ITPR2: variants seen among roughly 807,000 people sequenced by gnomAD.
The protein encoded by ITPR2 is inositol 1,4,5-trisphosphate-gated calcium channel ITPR2.
A neutral mutation model predicts 317.1 loss-of-function variants in ITPR2; 207 were observed. The ratio of observed to expected loss-of-function variants is 0.65; its 90% CI spans 0.58 to 0.73. The LOEUF (loss-of-function observed/expected upper bound fraction) is 0.73, where lower values mean the gene tolerates loss of function less well. Among genes scored for constraint, ITPR2 ranks in the 30% least tolerant of loss-of-function variants. ITPR2 has a pLI of 0.00. For synonymous variants in ITPR2, 1,156 were observed against 1,149.1 expected (o/e 1.01, Z -0.12); for missense variants, 2,613 against 3,284.0 (o/e 0.80, Z 4.99).
intron 37 of ITPR2, among the ~76,000 whole-genome samples, chr12:26,534,846 T>C (rs1233640510): frequency 1.3e-5 from 2 of 152,222 alleles, no homozygotes; most frequent in African/African-American, 4.8e-5. Context: ...TTTTGCATCA[T>C]TAGCTTCACA....
Position 26,486,291 on chromosome 12 carries a change from G to A in ITPR2, c.5624C>T (p.Ser1875Phe). 6.2e-7 allele frequency: 1 copy of A among 1,613,586 alleles called. No individual in the cohort carries two copies. Among genetic ancestry groups the A allele is most frequent in the African/African-American group, 1.3e-5 (1 of 74,970 alleles). Residue 1875 changes from serine (S) to phenylalanine (F), a missense_variant, in exon 41 of 57, where the codon TCC becomes TTC. Physicochemically the swap from Ser to Phe is radical, Grantham distance 155. Around this residue, in one of 9 missense-constraint regions of ITPR2, gnomAD observed 926 missense variants for 1,072.8 expected, o/e 0.86. Transcript: ENST00000381340. ...TCTTCTGTATACACAATATGCTTTG[G>A]ATGTTGCTGAAGAAGCTTCTGTTAA... ...GQLTEASSAT[S>F]KAYCVYRREM...
chr12:26,780,685 T>C (rs1490274427), intron 2 of ITPR2, among the ~76,000 whole-genome samples: 1 of 152,162 alleles, frequency 6.6e-6, no homozygotes, highest in Non-Finnish European at 1.5e-5. Context: ...ATCCAATATA[T>C]GGCACTGTTC....
Position 26,595,480 on chromosome 12 carries a change from CA to C in ITPR2, c.4364del (p.Leu1455TrpfsTer29). 6.2e-7 allele frequency: 1 copy of C among 1,605,916 alleles called. No individual in the cohort carries two copies. The highest frequency in any genetic ancestry group is 8.5e-7 in the Non-Finnish European group (1 of 1,177,792). The part of the protein sequence containing the change: ...NHIWKLFENF[L>X]VDMARVCNTT... ...TCTAACTTACCCTTGCCATATCCAC[CA>C]AGAAGTTCTCAAATAATTTCCAAAT... On this transcript the variant is annotated frameshift_variant, in exon 32 of 57. Transcript: ENST00000381340. LOFTEE classifies it high-confidence loss of function.
intron 37 of ITPR2, among the ~76,000 whole-genome samples, chr12:26,534,720 G>A (rs920004415): frequency 5.9e-5 from 9 of 152,160 alleles, no homozygotes; most frequent in African/African-American, 2.2e-4. Flanking sequence ...CAGTTTAAAT[G>A]TTGAACACTT....
chr12:26,650,183 G>A (rs529535246), intron 21 of ITPR2, among the ~76,000 whole-genome samples: 6 of 152,258 alleles, frequency 3.9e-5, no homozygotes, highest in African/African-American at 1.4e-4. Context: ...ACAGGACGGT[G>A]GAGAGAGCAA....
At chr12:26,819,297 G>A (rs2137288336) in intron 1 of ITPR2, among the ~76,000 whole-genome samples, 1 of 152,246 alleles carries the variant, frequency 6.6e-6, no homozygotes, top group East Asian at 1.9e-4. Context: ...TGAAGAAATT[G>A]GCTGGATATT....
intron 37 of ITPR2, among the ~76,000 whole-genome samples, chr12:26,542,707 G>C (rs1321514841): frequency 6.6e-6 from 1 of 152,208 alleles, no homozygotes; most frequent in Non-Finnish European, 1.5e-5. Flanking sequence ...TCCAAGGATA[G>C]ATGGTATTTT....
intron 37 of ITPR2, among the ~76,000 whole-genome samples, chr12:26,510,840 G>A (rs182862955): frequency 7.0e-4 from 107 of 152,256 alleles, no homozygotes; most frequent in African/African-American, 2.5e-3. Flanking sequence ...TTGCTCTTCC[G>A]AAATATTTTT....
Position 26,376,033 on chromosome 12 carries a change from C to T in ITPR2, c.7857+11401G>A, listed in dbSNP as rs73301052. On this transcript the variant is annotated intron_variant, in intron 55 of 56. Transcript: ENST00000381340. ...GAGGATCACCTGAGCCTTGGGAGGC[C>T]GATGCTGCAGTGAGCCAGGATCATG... 5.4e-3 allele frequency among the ~76,000 whole-genome samples: 814 copies of T among 152,144 alleles called. 4 individuals are homozygous for T. The highest frequency in any genetic ancestry group is 0.018 in the African/African-American group (756 of 41,508).
chr12:26,557,164 T>C (rs1363754140), intron 35 of ITPR2, among the ~76,000 whole-genome samples: 3 of 152,194 alleles, frequency 2.0e-5, no homozygotes, highest in South Asian at 4.1e-4. Context: ...TGAAATATTA[T>C]TTGAAGCAAT....
chr12:26,357,978 T>C (rs1565486721), intron 55 of ITPR2, among the ~76,000 whole-genome samples: 1 of 152,224 alleles, frequency 6.6e-6, no homozygotes, highest in East Asian at 1.9e-4. Flanking sequence ...TTGGTTGAAC[T>C]ATTACAAAGA....
intron 34 of ITPR2, among the ~76,000 whole-genome samples, chr12:26,570,665 T>C (rs941896272): frequency 1.3e-5 from 2 of 152,224 alleles, no homozygotes; most frequent in Non-Finnish European, 2.9e-5. Context: ...CCAGCATTAA[T>C]TCCCCCAAAT....
intron 2 of ITPR2, among the ~76,000 whole-genome samples, chr12:26,751,925 C>T (rs967013102): frequency 9.2e-5 from 14 of 151,526 alleles, no homozygotes; most frequent in African/African-American, 3.1e-4. Context: ...CACATCATTT[C>T]GAACCCAGAC....
intron 15 of ITPR2, among the ~76,000 whole-genome samples, chr12:26,659,603 C>T (rs759353475): frequency 6.6e-6 from 1 of 152,042 alleles, no homozygotes; most frequent in African/African-American, 2.4e-5. Context: ...GACACAATAA[C>T]TTTGGATTTC....
intron 56 of ITPR2, among the ~76,000 whole-genome samples, 196 bp from the exon 57 acceptor site, chr12:26,339,679 T>G (rs1468614621): frequency 3.9e-5 from 6 of 152,160 alleles, no homozygotes; most frequent in Non-Finnish European, 8.8e-5. Context: ...CTCTGTGTGG[T>G]TAGGAAGCAG....
chr12:26,484,471 G>A (rs1419408958), intron 41 of ITPR2, among the ~76,000 whole-genome samples: 1 of 152,012 alleles, frequency 6.6e-6, no homozygotes, highest in Non-Finnish European at 1.5e-5. Flanking sequence ...CTAGATATAT[G>A]TACATAAGTA....
At chr12:26,718,692 C>T (rs1948784280) in intron 5 of ITPR2, among the ~76,000 whole-genome samples, 1 of 152,030 alleles carries the variant, frequency 6.6e-6, no homozygotes, top group Non-Finnish European at 1.5e-5. Flanking sequence ...TCACTGCAAC[C>T]TCTGCTTCCC....
intron 9 of ITPR2, among the ~76,000 whole-genome samples, chr12:26,704,903 A>G (rs1948522879): frequency 6.6e-6 from 1 of 152,146 alleles, no homozygotes; most frequent in South Asian, 2.1e-4. Context: ...CATAAACTCA[A>G]AGGCAATTCA....
chr12:26,653,241 CTT>C (rs774729786), intron 21 of ITPR2, among the ~76,000 whole-genome samples: 394 of 103,556 alleles, frequency 3.8e-3, no homozygotes, highest in African/African-American at 0.013. Context: ...TTGAATCTTT[CTT>C]TTTTTTTTTT....
Sources: allele counts gnomAD v4.1 joint callset (sites outside exome capture counted in the v4.1 genomes callset), GRCh38; gene constraint gnomAD v4.1.1; regional missense constraint gnomAD v4.1.1; transcripts MANE v1.5; gene names NCBI Gene and HGNC (gene_info 2026-07-23, HGNC 2026-07-21).